The following TENT5C variants were observed in gnomAD, a reference collection of about 807,000 sequenced individuals.
TENT5C encodes terminal nucleotidyltransferase 5C.
TENT5C carries 5 observed loss-of-function variants against 22.2 expected under a neutral mutation model. That is an observed-to-expected ratio of 0.22 (90% confidence interval 0.12 to 0.47). The LOEUF (loss-of-function observed/expected upper bound fraction) is 0.47, where lower values mean the gene tolerates loss of function less well. Among genes scored for constraint, TENT5C ranks in the 20% least tolerant of loss-of-function variants. The pLI, the probability that TENT5C is intolerant of heterozygous loss-of-function variation, is 0.99. For synonymous variants in TENT5C, 199 were observed against 195.4 expected (o/e 1.02, Z -0.15); for missense variants, 364 against 500.9 (o/e 0.73, Z 2.61).
chr1:117,608,821 T>C (rs924024969), intron 1 of TENT5C, among the ~76,000 whole-genome samples: 2 of 151,772 alleles, frequency 1.3e-5, no homozygotes, highest in East Asian at 1.9e-4. Flanking sequence ...ACTAGTTTCA[T>C]GAGTTAAGCT....
intron 1 of TENT5C, among the ~76,000 whole-genome samples, chr1:117,612,489 G>T (rs1653691239): frequency 6.6e-6 from 1 of 151,574 alleles, no homozygotes; most frequent in African/African-American, 2.4e-5. Flanking sequence ...ATTAAAATTT[G>T]AGTGAAATTG....
intron 1 of TENT5C, among the ~76,000 whole-genome samples, chr1:117,617,049 A>G (rs561067864): frequency 6.6e-6 from 1 of 152,300 alleles, no homozygotes; most frequent in African/African-American, 2.4e-5. Context: ...ACTGTGTGCA[A>G]ATGTTATAAA....
chr1:117,607,074 C>T (rs1223388403), intron 1 of TENT5C, among the ~76,000 whole-genome samples: 2 of 152,106 alleles, frequency 1.3e-5, no homozygotes, highest in African/African-American at 4.8e-5. Context: ...GGGTGGGAGG[C>T]GAGTCAGAGG....
intron 1 of TENT5C, among the ~76,000 whole-genome samples, chr1:117,619,890 CATG>C (rs1653858280): frequency 6.6e-6 from 1 of 152,098 alleles, no homozygotes; most frequent in Admixed American, 6.5e-5. Flanking sequence ...GGGCCAATAA[CATG>C]CTGTTTCAAT....
intron 1 of TENT5C, among the ~76,000 whole-genome samples, chr1:117,615,039 G>A (rs1653751861): frequency 6.6e-6 from 1 of 152,178 alleles, no homozygotes. Context: ...TTCAGTTCTG[G>A]TGGCTCCAGC....
chr1:117,626,009 A>G lies in TENT5C; in HGVS notation c.*1965A>G, dbSNP rs1010344147. ...GTGGGGCAATGAAGAGTGAACCCCA[A>G]TGAAGAGTGATCCCAACTTTGGAAA... is the stretch of plus-strand genomic sequence containing the variant. On this transcript the variant is annotated 3_prime_UTR_variant, in exon 2 of 2. Transcript: ENST00000369448. The G allele has an allele frequency of 4.0e-6, 1 of 248,034 alleles. No homozygotes were observed. Among genetic ancestry groups the G allele is most frequent in the Non-Finnish European group, 8.5e-6 (1 of 118,012 alleles). 15.4% of individuals were successfully genotyped at this position (248,034 alleles called of 1,614,324 possible).
intron 1 of TENT5C, among the ~76,000 whole-genome samples, chr1:117,622,604 A>G (rs953167260): frequency 1.3e-5 from 2 of 152,186 alleles, no homozygotes; most frequent in African/African-American, 4.8e-5. Flanking sequence ...AAAACAAAAC[A>G]AAACTATGAA....
In TENT5C at chr1:117,623,925, G is replaced by A. The variant is rs74114325; in HGVS notation, c.1057G>A (p.Val353Ile). 8.5e-5 allele frequency: 137 copies of A among 1,614,046 alleles called. 1 individual carries two copies. In the African/African-American group the frequency reaches 1.5e-3, roughly 18 times the overall value. The change falls in exon 2 of 2, where the codon GTC becomes ATC. Residue 353 changes from valine to isoleucine, a missense_variant. Transcript: ENST00000369448. Reference protein sequence around the residue: ...EQNIIPSATNVTCYYQPAPYV... With the variant: ...EQNIIPSATNITCYYQPAPYV... ...AAACATCATCCCCAGTGCCACCAAC[G>A]TCACCTGTTACTACCAGCCGGCCCC...
In TENT5C at chr1:117,609,504, G is replaced by A. The variant is rs573635772; in HGVS notation, c.-28+3351G>A. On this transcript the variant is annotated intron_variant, in intron 1 of 1. Coordinates refer to ENST00000369448, the MANE Select transcript of TENT5C (RefSeq NM_017709.4). ...AGTCTTGGTCACAAAACTGCATGGA[G>A]TGTTGTTTATTTCTTGGAGAACCGT... 7.9e-5 allele frequency among the ~76,000 whole-genome samples: 12 copies of A among 152,118 alleles called. No homozygotes were observed. In the South Asian group the frequency reaches 2.5e-3, roughly 32 times the overall value.
At position 117,623,040 on chromosome 1, in the gene TENT5C, C is replaced by T. The variant is rs768091631; in HGVS notation, c.172C>T (p.Arg58Trp). ...LKDIVQTVRSRLEEAGIKVHD... is the reference protein window; with the variant it reads ...LKDIVQTVRSWLEEAGIKVHD... ...GGACATCGTCCAGACCGTCCGCAGTCGGCTGGAGGAGGCAGGCATCAAAGT... is the reference window on the plus strand; with the variant it reads ...GGACATCGTCCAGACCGTCCGCAGTTGGCTGGAGGAGGCAGGCATCAAAGT... Residue 58 changes from arginine to tryptophan, a missense_variant, in exon 2 of 2, where the codon CGG (arginine) becomes TGG (tryptophan). Arg to Trp is a moderately radical substitution (Grantham distance 101). Around this residue, in one of 3 missense-constraint regions of TENT5C, gnomAD observed 303 missense variants for 394.5 expected, o/e 0.77. Coordinates refer to ENST00000369448, the MANE Select transcript of TENT5C (RefSeq NM_017709.4). 1.2e-4 allele frequency: 187 copies of T among 1,614,078 alleles called. No individual in the cohort carries two copies. The highest frequency in any genetic ancestry group is 1.6e-4 in the Middle Eastern group (1 of 6,084).
Position 117,625,746 on chromosome 1 carries a change from A to G in TENT5C, c.*1702A>G, listed in dbSNP as rs192682484. The stretch of plus-strand genomic sequence containing the variant: ...TGAGTGGTTTACCTTTTTTTCTAAA[A>G]GTATATTTTCAAGTTTATTCTGGAA... On this transcript the variant is annotated 3_prime_UTR_variant, in exon 2 of 2. Transcript: ENST00000369448. 1 of 248,124 alleles carries G rather than the reference A, an allele frequency of 4.0e-6. No homozygotes were observed. The highest frequency in any genetic ancestry group is 6.0e-5 in the East Asian group (1 of 16,588). The allele number at this position is 248,124 out of a possible 1,614,324, so 15.4% of individuals were successfully genotyped here. A position where few individuals can be genotyped will look rare whatever the true frequency, so the allele number is the denominator to read the frequency against.
intron 1 of TENT5C, among the ~76,000 whole-genome samples, chr1:117,613,263 C>T (rs1653706995): frequency 6.6e-6 from 1 of 152,212 alleles, no homozygotes; most frequent in Non-Finnish European, 1.5e-5. Flanking sequence ...TTATGCCCTG[C>T]TTCCATCTGA....
chr1:117,618,151 T>A (rs757575985), intron 1 of TENT5C, among the ~76,000 whole-genome samples: 1 of 152,240 alleles, frequency 6.6e-6, no homozygotes, highest in Admixed American at 6.5e-5. Context: ...TTAACTCCAA[T>A]ATTCATATAT....
chr1:117,623,925 G>C lies in TENT5C; in HGVS notation c.1057G>C (p.Val353Leu). 6.2e-7 allele frequency: 1 copy of C among 1,614,046 alleles called. No individual in the cohort carries two copies. The highest frequency in any genetic ancestry group is 2.2e-5 in the East Asian group (1 of 44,868). Residue 353 changes from valine (V) to leucine (L), a missense_variant, in exon 2 of 2, where the codon GTC becomes CTC. Transcript: ENST00000369448. ...AAACATCATCCCCAGTGCCACCAACGTCACCTGTTACTACCAGCCGGCCCC... is the reference window on the plus strand; with the variant it reads ...AAACATCATCCCCAGTGCCACCAACCTCACCTGTTACTACCAGCCGGCCCC... ...EQNIIPSATNVTCYYQPAPYV... is the reference protein window; with the variant it reads ...EQNIIPSATNLTCYYQPAPYV...
At chr1:117,621,972 G>A (rs776229226) in intron 1 of TENT5C, among the ~76,000 whole-genome samples, 27 of 152,200 alleles carry the variant, frequency 1.8e-4, no homozygotes, top group African/African-American at 4.6e-4. Context: ...TATTCTCCTC[G>A]GGTAGCTTTA....
rs1031601289 is a variant in TENT5C at position 117,624,266 on chromosome 1, G to A, written c.*222G>A. 9.2e-6 allele frequency: 5 copies of A among 543,286 alleles called. No homozygotes were observed. Among genetic ancestry groups the A allele is most frequent in the East Asian group, 2.9e-5 (1 of 33,900 alleles). The allele number at this position is 543,286 out of a possible 1,614,324, so 33.7% of individuals were successfully genotyped here. On this transcript the variant is annotated 3_prime_UTR_variant, in exon 2 of 2. Transcript: ENST00000369448. ...GTATTACAGTGCCACGTTGGAAAAC[G>A]CTACAGGAAGCATGACCTATCCACA...
chr1:117,614,466 C>G (rs897219769), intron 1 of TENT5C, among the ~76,000 whole-genome samples: 1 of 152,184 alleles, frequency 6.6e-6, no homozygotes, highest in African/African-American at 2.4e-5. Flanking sequence ...GTTCAGCATT[C>G]ATGAGGTCCT....
chr1:117,610,826 C>T (rs989956815), intron 1 of TENT5C, among the ~76,000 whole-genome samples: 1 of 152,184 alleles, frequency 6.6e-6, no homozygotes, highest in Admixed American at 6.5e-5. Context: ...CATGCCCGGC[C>T]AATACTTTCT....
At chr1:117,608,708 G>A (rs1653599385) in intron 1 of TENT5C, among the ~76,000 whole-genome samples, 1 of 150,928 alleles carries the variant, frequency 6.6e-6, no homozygotes, top group African/African-American at 2.4e-5. Context: ...TTGTGTTCAT[G>A]GAGTTACCTA....
Sources: gnomAD v4.1 joint callset for allele counts (sites outside exome capture counted in the v4.1 genomes callset) on GRCh38, gnomAD v4.1.1 for gene constraint, gnomAD v4.1.1 regional missense constraint, MANE v1.5 for transcripts, NCBI Gene and HGNC (gene_info 2026-07-23, HGNC 2026-07-21) for gene names.